Variants in DOCK8 observed in about 807,000 individuals in gnomAD.
The protein encoded by DOCK8 is dedicator of cytokinesis protein 8.
Under a neutral mutation model 245.6 loss-of-function variants are expected in DOCK8, and 141 were observed. The observed-to-expected ratio is 0.57, with a 90% CI of 0.50 to 0.66. The LOEUF (loss-of-function observed/expected upper bound fraction) is 0.66. Ranked by LOEUF, DOCK8 falls within the 30% of genes least tolerant of loss-of-function variation. The pLI, the probability that DOCK8 is intolerant of heterozygous loss-of-function variation, is 0.00. For missense variants in DOCK8, 2,965 were observed against 2,603.4 expected (o/e 1.14, Z -3.02); for synonymous variants, 1,168 against 970.2 (o/e 1.20, Z -3.79).
chr9:391,322 A>G (rs868491367), intron 24 of DOCK8, among the ~76,000 whole-genome samples: 6 of 152,164 alleles, frequency 3.9e-5, no homozygotes, highest in Middle Eastern at 6.8e-3. Context: ...GGTTATCACA[A>G]TTTCTAATTG....
intron 7 of DOCK8, among the ~76,000 whole-genome samples, chr9:325,397 T>A (rs986034430): frequency 6.6e-6 from 1 of 152,178 alleles, no homozygotes; most frequent in Non-Finnish European, 1.5e-5. Context: ...CAGCCCACTC[T>A]CTCTTGCAGT....
chr9:214,997 A>G lies in DOCK8; in HGVS notation c.21A>G (p.Ala7=). MATLPS[A]ERRAFALKIN... ...GGGCCATGGCCACTCTGCCGAGCGCAGAGCGCCGCGCGTTCGCGCTCAAGA... is the reference window on the plus strand; with the variant it reads ...GGGCCATGGCCACTCTGCCGAGCGCGGAGCGCCGCGCGTTCGCGCTCAAGA... The change falls in exon 1 of 48, where the codon GCA becomes GCG. Residue 7 remains alanine, a synonymous_variant. Coordinates refer to ENST00000432829, the MANE Select transcript of DOCK8 (RefSeq NM_203447.4). 6.3e-7 allele frequency: 1 copy of G among 1,597,148 alleles called. No homozygotes were observed.
At chr9:283,454 A>ATG in intron 2 of DOCK8, among the ~76,000 whole-genome samples, 1 of 152,178 alleles carries the variant, frequency 6.6e-6, no homozygotes. Context: ...CTACATGAAT[A>ATG]TACTGCATAG....
chr9:316,993 G>A (rs1286241716), intron 6 of DOCK8, 50 bp from the exon 7 acceptor site: 6 of 1,428,060 alleles, frequency 4.2e-6, no homozygotes, highest in East Asian at 2.3e-5. Flanking sequence ...TCTAATTGGA[G>A]CTCCCCACAG....
rs2057090611 is a variant in DOCK8 at position 441,412 on chromosome 9, A to T, written c.5350A>T (p.Asn1784Tyr). The T allele has an allele frequency of 1.9e-6, 3 of 1,614,180 alleles. No individual in the cohort carries two copies. Among genetic ancestry groups the T allele is most frequent in the Non-Finnish European group, 2.5e-6 (3 of 1,180,030 alleles). Residue 1784 changes from asparagine (N) to tyrosine (Y), a missense_variant, in exon 41 of 48, where the codon AAC becomes TAC. By Grantham distance (143) the Asn-to-Tyr change is moderately radical. Coordinates refer to ENST00000432829, the MANE Select transcript of DOCK8 (RefSeq NM_203447.4). ...KLQRAFDSIV[N>Y]KDHKRMFGTY... ...GCAGAGAGCCTTCGACAGCATCGTT[A>T]ACAAGGTAGCCGGGGAGCCTGGCTG...
At chr9:307,338 GTTTTTTTTTT>G (rs1165775428) in intron 5 of DOCK8, among the ~76,000 whole-genome samples, 22 of 51,214 alleles carry the variant, frequency 4.3e-4, no homozygotes, top group African/African-American at 8.1e-4. Context: ...GGTTTTTTTT[GTTTTTTTTTT>G]TTTTTTTTTT....
intron 2 of DOCK8, among the ~76,000 whole-genome samples, chr9:283,608 T>C (rs77015104): frequency 6.6e-6 from 1 of 152,184 alleles, no homozygotes; most frequent in Admixed American, 6.5e-5. Context: ...TGTGTACACA[T>C]TATTTAGCTC....
chr9:422,578 C>G (rs1265413952), intron 33 of DOCK8, among the ~76,000 whole-genome samples: 3 of 152,096 alleles, frequency 2.0e-5, no homozygotes, highest in African/African-American at 7.2e-5. Context: ...TCTAAATGCT[C>G]CAGAATAGAA....
At position 414,863 on chromosome 9, in the gene DOCK8, A is replaced by C. The variant is rs758993681; in HGVS notation, c.3612A>C (p.Lys1204Asn). 3 of 1,614,122 alleles carry C rather than the reference A, an allele frequency of 1.9e-6. No homozygotes were observed. The African/African-American group carries it at 4.0e-5, about 22-fold the overall frequency. Residue 1204 changes from lysine (K) to asparagine (N), a missense_variant, in exon 29 of 48, where the codon AAA becomes AAC. Lys to Asn is a moderately conservative substitution (Grantham distance 94). Coordinates refer to ENST00000432829, the MANE Select transcript of DOCK8 (RefSeq NM_203447.4). The stretch of plus-strand genomic sequence containing the variant: ...ACGACCTGGACCCACGCTGTGTCAA[A>C]CCAGAGGTGAAGGTCAAAATCGCCG... Reference protein sequence around the residue: ...SSHDLDPRCVKPEVKVKIAAL... With the variant: ...SSHDLDPRCVNPEVKVKIAAL...
At chr9:284,522 C>A (rs1412372508) in intron 2 of DOCK8, 1 of 152,204 alleles carries the variant, frequency 6.6e-6, no homozygotes, top group Non-Finnish European at 1.5e-5. Context: ...CTGAGGTTGT[C>A]CTGTCACCTT....
intron 34 of DOCK8, among the ~76,000 whole-genome samples, chr9:427,613 T>G (rs2056549194): frequency 6.6e-6 from 1 of 152,236 alleles, no homozygotes; most frequent in South Asian, 2.1e-4. Context: ...AATGAGTTCT[T>G]ACATGTTTCC....
chr9:399,974 C>T (rs936447909), intron 26 of DOCK8, among the ~76,000 whole-genome samples: 4 of 151,134 alleles, frequency 2.6e-5, no homozygotes, highest in Non-Finnish European at 5.9e-5. Flanking sequence ...CCACCTTCTC[C>T]ACCATCACCA....
chr9:247,236 A>G (rs1396705503), intron 1 of DOCK8, among the ~76,000 whole-genome samples: 1 of 152,152 alleles, frequency 6.6e-6, no homozygotes, highest in East Asian at 1.9e-4. Context: ...TCATACTATT[A>G]ATTTGAATGT....
Position 405,062 on chromosome 9 carries a change from A to G in DOCK8, c.3379A>G (p.Ile1127Val). The change falls in exon 27 of 48, where the codon ATA (isoleucine) becomes GTA (valine). Residue 1127 changes from isoleucine (I) to valine (V), a missense_variant. Coordinates refer to ENST00000432829, the MANE Select transcript of DOCK8 (RefSeq NM_203447.4). ...TGCTCCAACATCTCCTTGTCCTTCC[A>G]TATCTTCCCAGGTAATAAAAGAATT... ...DTAPTSPCPS[I>V]SSQNSSSCSS... 1.2e-6 allele frequency: 2 copies of G among 1,613,558 alleles called. No individual in the cohort carries two copies. Among genetic ancestry groups the G allele is most frequent in the Non-Finnish European group, 8.5e-7 (1 of 1,179,720 alleles).
chr9:393,400 T>C (rs1269895134), intron 24 of DOCK8, among the ~76,000 whole-genome samples: 2 of 152,198 alleles, frequency 1.3e-5, no homozygotes, highest in African/African-American at 4.8e-5. Flanking sequence ...TGCCAGGCAG[T>C]GTTTTAAGCA....
chr9:227,668 G>A (rs1007923342), intron 1 of DOCK8, among the ~76,000 whole-genome samples: 4 of 152,212 alleles, frequency 2.6e-5, no homozygotes, highest in South Asian at 2.1e-4. Context: ...TCTATTGGGC[G>A]GCTTGAAATA....
chr9:376,739 A>G (rs1256494779), intron 19 of DOCK8, among the ~76,000 whole-genome samples: 1 of 152,214 alleles, frequency 6.6e-6, no homozygotes, highest in Non-Finnish European at 1.5e-5. Flanking sequence ...CTTACAGAAC[A>G]TGTCAGAGCC....
intron 47 of DOCK8, 143 bp downstream of exon 47, chr9:463,830 C>T: frequency 2.0e-6 from 2 of 989,856 alleles, no homozygotes; most frequent in South Asian, 2.9e-5. Flanking sequence ...AGAGAGGCTA[C>T]CAGAGTGTGA....
intron 1 of DOCK8, among the ~76,000 whole-genome samples, chr9:259,980 C>T (rs2047877654): frequency 6.6e-6 from 1 of 152,176 alleles, no homozygotes; most frequent in African/African-American, 2.4e-5. Flanking sequence ...GGCTTTGTTC[C>T]CAGACCACAG....
Sources: gnomAD v4.1 joint callset for allele counts (sites outside exome capture counted in the v4.1 genomes callset) on GRCh38, gnomAD v4.1.1 for gene constraint, MANE v1.5 for transcripts, NCBI Gene and HGNC (gene_info 2026-07-23, HGNC 2026-07-21) for gene names.